The following CROCC variants were observed in gnomAD, a reference collection of about 807,000 sequenced individuals.
CROCC encodes the protein ciliary rootlet coiled-coil, rootletin.
A neutral mutation model predicts 245.2 loss-of-function variants in CROCC; 180 were observed. The observed-to-expected ratio is 0.73, with a 90% CI of 0.65 to 0.83. The LOEUF (loss-of-function observed/expected upper bound fraction) is 0.83. Among genes scored for constraint, CROCC ranks in the 40% least tolerant of loss-of-function variants. The pLI is 0.00. For missense variants in CROCC, 2,688 were observed against 2,779.4 expected, an observed-to-expected ratio of 0.97 and a Z score of 0.74; for synonymous variants, 1,205 against 1,241.6, an observed-to-expected ratio of 0.97 and a Z score of 0.62.
intron 1 of CROCC, among the ~76,000 whole-genome samples, chr1:16,914,164 G>T (rs1415461620): frequency 6.6e-6 from 1 of 151,394 alleles, no homozygotes; most frequent in Non-Finnish European, 1.5e-5. Context: ...GCGCGCGTGC[G>T]CGGGGGCGGG....
rs1474107263 is a variant in CROCC at position 16,936,852 on chromosome 1, A to G, written c.1172A>G (p.Asp391Gly). ...CAGCAGCAGATGCAAAGCGACCTGGACAAGGCTGACCTCAGTGCCAGGTGG... is the reference window on the plus strand; with the variant it reads ...CAGCAGCAGATGCAAAGCGACCTGGGCAAGGCTGACCTCAGTGCCAGGTGG... ...LAQQQMQSDL[D>G]KADLSARVTE... Residue 391 changes from aspartate to glycine, a missense_variant, in exon 9 of 37, where the codon GAC becomes GGC. By Grantham distance (94) the Asp-to-Gly change is moderately conservative. Around this residue, in one of 9 missense-constraint regions of CROCC, gnomAD observed 972 missense variants for 895.3 expected, o/e 1.09. Coordinates refer to ENST00000375541, the MANE Select transcript of CROCC (RefSeq NM_014675.5). The G allele has an allele frequency of 6.2e-7, 1 of 1,611,844 alleles. No individual in the cohort carries two copies. The highest frequency in any genetic ancestry group is 1.7e-5 in the Admixed American group (1 of 59,976).
At chr1:16,919,254 C>T (rs1240539391), upstream of CROCC, among the ~76,000 whole-genome samples, 1 of 152,292 alleles carries the variant, frequency 6.6e-6, no homozygotes, top group Non-Finnish European at 1.5e-5. Context: ...ATGCCTCGGC[C>T]TTGCCCTTCA....
chr1:16,931,003 A>G (rs1364926137), intron 7 of CROCC, among the ~76,000 whole-genome samples: 1 of 152,300 alleles, frequency 6.6e-6, no homozygotes, highest in Non-Finnish European at 1.5e-5. Context: ...GCCCACAGTC[A>G]TGCAACTGGC....
chr1:16,941,036 T>G (rs2075920492), intron 13 of CROCC: 3 of 267,234 alleles, frequency 1.1e-5, no homozygotes, highest in South Asian at 9.6e-5. Context: ...ATTTCTAAAT[T>G]TTTTGTAGAG....
chr1:16,950,565 C>T (rs1395322750), intron 19 of CROCC, among the ~76,000 whole-genome samples: 1 of 152,210 alleles, frequency 6.6e-6, no homozygotes, highest in Non-Finnish European at 1.5e-5. Context: ...ACCATGTTGG[C>T]CAGGTTGGTC....
Position 16,946,648 on chromosome 1 carries a change from C to G in CROCC, c.2284-113C>G, listed in dbSNP as rs898175806. 9.8e-6 allele frequency: 12 copies of G among 1,229,792 alleles called. No individual in the cohort carries two copies. In the African/African-American group the frequency reaches 1.2e-4, roughly 12 times the overall value. The allele number at this position is 1,229,792 out of a possible 1,614,324, so 76.2% of individuals were successfully genotyped here. A position where few individuals can be genotyped will look rare whatever the true frequency, so the allele number is the denominator to read the frequency against. ...CCATACACCCAAGGGCACTGTCCCT[C>G]ATTCCCTGGGAGCCTCCCCTGGGCT... is the stretch of plus-strand genomic sequence containing the variant. On this transcript the variant is annotated intron_variant, in intron 16 of 36. Transcript: ENST00000375541.
intron 14 of CROCC, among the ~76,000 whole-genome samples, chr1:16,945,009 G>A (rs1359866235): frequency 7.9e-5 from 12 of 152,398 alleles, no homozygotes; most frequent in South Asian, 4.1e-4. Flanking sequence ...AAGGCAGGCA[G>A]ATCGCCTGAG....
At position 16,936,832 on chromosome 1, in the gene CROCC, G is replaced by A; in HGVS notation, c.1152G>A (p.Gln384=). Residue 384 remains glutamine (Q), a synonymous_variant, in exon 9 of 37, where the codon CAG becomes CAA. Coordinates refer to ENST00000375541, the MANE Select transcript of CROCC (RefSeq NM_014675.5). ...TCCGCGAGAAGGACCTGGCGCAGCA[G>A]CAGATGCAAAGCGACCTGGACAAGG... is the stretch of plus-strand genomic sequence containing the variant. The part of the protein sequence containing the change: ...KVLREKDLAQ[Q]QMQSDLDKAD... 6.2e-7 allele frequency: 1 copy of A among 1,612,384 alleles called. No individual in the cohort carries two copies. Among genetic ancestry groups the A allele is most frequent in the Non-Finnish European group, 8.5e-7 (1 of 1,179,818 alleles).
chr1:16,932,410 G>C (rs1364871231), intron 8 of CROCC, among the ~76,000 whole-genome samples: 1 of 152,234 alleles, frequency 6.6e-6, no homozygotes, highest in African/African-American at 2.4e-5. Flanking sequence ...ATTGTACTCC[G>C]GCCTGGGCAA....
At chr1:16,938,371 C>T in intron 10 of CROCC, 29 bp from the exon 11 acceptor site, 3 of 1,541,622 alleles carry the variant, frequency 1.9e-6, no homozygotes, top group Non-Finnish European at 8.8e-7. Flanking sequence ...GAACCCCAAC[C>T]ACCCTTTGTC....
At chr1:16,928,134 C>G (rs1232990861) in intron 3 of CROCC, among the ~76,000 whole-genome samples, 2 of 152,280 alleles carry the variant, frequency 1.3e-5, no homozygotes, top group East Asian at 3.8e-4. Context: ...TGGCCCTGCA[C>G]GGGTGGGCTT....
rs1229684204 is a variant in CROCC at position 16,962,403 on chromosome 1, C to T, written c.4405+1273C>T. On this transcript the variant is annotated intron_variant, in intron 27 of 36. Transcript: ENST00000375541. ...AAAAAAAATTAGCTGGGCACAGTGG[C>T]AGGCACCTGTAGTCCCAGCTACTCG... is the stretch of plus-strand genomic sequence containing the variant. Among the ~76,000 whole-genome samples the T allele has an allele frequency of 5.3e-5, 8 of 151,180 alleles. No homozygotes were observed. The East Asian group carries it at 1.6e-3, about 30-fold the overall frequency.
chr1:16,939,527 G>A (rs1253089349), intron 12 of CROCC, among the ~76,000 whole-genome samples: 2 of 152,200 alleles, frequency 1.3e-5, no homozygotes, highest in Admixed American at 6.5e-5. Flanking sequence ...GGGAACTAGG[G>A]GCAGAGCCAG....
At chr1:16,918,724 C>T (rs1179657537), upstream of CROCC, among the ~76,000 whole-genome samples, 21 of 147,934 alleles carry the variant, frequency 1.4e-4, no homozygotes, top group South Asian at 1.1e-3. Flanking sequence ...ATCTGCTGGC[C>T]GGTTTAGTTT....
intron 21 of CROCC, chr1:16,953,759 C>G (rs373079204): frequency 0.18 from 68,330 of 375,736 alleles, 6,443 homozygotes; most frequent in African/African-American, 0.28. Flanking sequence ...TCCCACCCCA[C>G]GCTGGGCATG....
At chr1:16,962,427 C>T (rs2076347741) in intron 27 of CROCC, among the ~76,000 whole-genome samples, 1 of 146,438 alleles carries the variant, frequency 6.8e-6, no homozygotes, top group Non-Finnish European at 1.5e-5. Context: ...CCCAGCTACT[C>T]GGGAGGCTGA....
chr1:16,932,917 A>G (rs1488525475), intron 8 of CROCC, among the ~76,000 whole-genome samples: 2 of 152,270 alleles, frequency 1.3e-5, no homozygotes, highest in East Asian at 1.9e-4. Flanking sequence ...GTCTCAAGCA[A>G]TCCTCCTACC....
Position 16,970,454 on chromosome 1 carries a change from G to A in CROCC, c.5652+1G>A. ...AGCCCTCAGGAGGACGCTGGACAAG[G>A]TAGGCTGCTCCCCAGGCTCTCCCCT... On this transcript the variant is annotated splice_donor_variant, in intron 34 of 36. Coordinates refer to ENST00000375541, the MANE Select transcript of CROCC (RefSeq NM_014675.5). LOFTEE classifies it high-confidence loss of function. The A allele has an allele frequency of 1.9e-6, 3 of 1,574,528 alleles. No homozygotes were observed. The highest frequency in any genetic ancestry group is 1.1e-5 in the South Asian group (1 of 86,996).
chr1:16,959,885 C>T (rs990522439), intron 26 of CROCC, among the ~76,000 whole-genome samples: 5 of 151,932 alleles, frequency 3.3e-5, no homozygotes, highest in Non-Finnish European at 5.9e-5. Context: ...TATGCCTCCC[C>T]GCCTTTCCCC....
Sources: allele counts gnomAD v4.1 joint callset (sites outside exome capture counted in the v4.1 genomes callset), GRCh38; gene constraint gnomAD v4.1.1; regional missense constraint gnomAD v4.1.1; transcripts MANE v1.5; gene names NCBI Gene and HGNC (gene_info 2026-07-23, HGNC 2026-07-21).